The following USP37 variants were observed in gnomAD, a reference collection of about 807,000 sequenced individuals.
USP37 encodes the protein ubiquitin specific peptidase 37, also known as ubiquitin carboxyl-terminal hydrolase 37.
In USP37, 27 loss-of-function variants were observed where a neutral mutation model predicts 124.0. That is an observed-to-expected ratio of 0.22 (90% CI 0.16 to 0.30). USP37 has a LOEUF of 0.30. USP37 is among the 10% of genes least tolerant of loss of function. USP37 has a pLI of 1.00. For missense variants in USP37, 889 were observed against 1,140.4 expected, an observed-to-expected ratio of 0.78 and a Z score of 3.17; for synonymous variants, 365 against 388.0, an observed-to-expected ratio of 0.94 and a Z score of 0.70.
chr2:218,556,332 T>C (rs1692971562), intron 4 of USP37, among the ~76,000 whole-genome samples: 1 of 151,908 alleles, frequency 6.6e-6, no homozygotes, highest in Non-Finnish European at 1.5e-5. Context: ...GGCCAGAAAA[T>C]TCAGGGTTAA....
chr2:218,469,926 T>C (rs1412335627), intron 20 of USP37, among the ~76,000 whole-genome samples: 6 of 151,224 alleles, frequency 4.0e-5, no homozygotes, highest in African/African-American at 1.5e-4. Context: ...GTTCTTGCCA[T>C]TCTCCTGCCT....
chr2:218,480,721 G>C (rs1454852657), intron 17 of USP37, among the ~76,000 whole-genome samples: 1 of 152,196 alleles, frequency 6.6e-6, no homozygotes, highest in Non-Finnish European at 1.5e-5. Flanking sequence ...AGGTCTAAAA[G>C]CTATCAAATT....
chr2:218,538,614 G>A (rs1434315614), intron 8 of USP37, among the ~76,000 whole-genome samples: 1 of 152,124 alleles, frequency 6.6e-6, no homozygotes, highest in Non-Finnish European at 1.5e-5. Flanking sequence ...TATAAAAAAT[G>A]GGTTCCCCTT....
intron 10 of USP37, chr2:218,528,838 A>T: frequency 2.5e-6 from 1 of 396,498 alleles, no homozygotes; most frequent in Middle Eastern, 6.0e-4. Context: ...AAAAAAAAAA[A>T]AAAGAGCTTA....
chr2:218,492,103 C>T (rs1413264947), intron 14 of USP37, among the ~76,000 whole-genome samples: 6 of 152,016 alleles, frequency 3.9e-5, no homozygotes, highest in East Asian at 3.9e-4. Context: ...CGGGAGGCTG[C>T]GGCGGGAGGA....
At chr2:218,523,438 CAGATTTT>C (rs1229565535) in intron 10 of USP37, among the ~76,000 whole-genome samples, 1 of 152,156 alleles carries the variant, frequency 6.6e-6, no homozygotes, top group African/African-American at 2.4e-5. Flanking sequence ...TTTCAGATTT[CAGATTTT>C]TGGATTAGGA....
At chr2:218,473,872 T>C (rs1690821337) in intron 20 of USP37, among the ~76,000 whole-genome samples, 1 of 152,214 alleles carries the variant, frequency 6.6e-6, no homozygotes, top group East Asian at 1.9e-4. Flanking sequence ...CATCTTCGAG[T>C]ATATTCAACA....
chr2:218,539,521 T>C (rs1691855997), intron 8 of USP37, among the ~76,000 whole-genome samples: 1 of 151,092 alleles, frequency 6.6e-6, no homozygotes, highest in Non-Finnish European at 1.5e-5. Context: ...TTGAGACCAA[T>C]CTGAGCAACG....
intron 19 of USP37, 37 bp downstream of exon 19, chr2:218,476,803 A>C: frequency 5.7e-6 from 9 of 1,578,340 alleles, no homozygotes; most frequent in Non-Finnish European, 7.7e-6. Context: ...AGAGATAAAC[A>C]AATCTTTGTC....
At chr2:218,565,475 TA>T (rs1559236057) in intron 1 of USP37, among the ~76,000 whole-genome samples, 1 of 152,234 alleles carries the variant, frequency 6.6e-6, no homozygotes, top group Non-Finnish European at 1.5e-5. Context: ...TCAAAGAGTT[TA>T]AAATCTGAAT....
intron 17 of USP37, among the ~76,000 whole-genome samples, chr2:218,481,683 CTT>C (rs71403043): frequency 0.051 from 6,854 of 134,278 alleles, 180 homozygotes; most frequent in East Asian, 0.12. Flanking sequence ...CTTTTCTTTT[CTT>C]TTTTTTTTTT....
In USP37 at chr2:218,488,386, T is replaced by A; in HGVS notation, c.1508A>T (p.Asn503Ile). ...GEIIPKREQF[N>I]DLSIDLPRRK... ...ACGAGGAAGGTCAATAGAGAGGTCA[T>A]TAAACTGTTCTCTTTTGGGGATAAT... The change falls in exon 15 of 26, where the codon AAT becomes ATT. Residue 503 changes from asparagine (N) to isoleucine (I), a missense_variant. Asn to Ile is a moderately radical substitution (Grantham distance 149). Coordinates refer to ENST00000258399, the MANE Select transcript of USP37 (RefSeq NM_020935.3). 6.2e-7 allele frequency: 1 copy of A among 1,611,860 alleles called. No individual in the cohort carries two copies.
intron 23 of USP37, among the ~76,000 whole-genome samples, chr2:218,458,109 A>G (rs1689797642): frequency 6.6e-6 from 1 of 151,332 alleles, no homozygotes; most frequent in Admixed American, 6.6e-5. Context: ...CTATATGTAA[A>G]CCAGAAACTT....
intron 8 of USP37, among the ~76,000 whole-genome samples, chr2:218,539,144 A>C (rs939852083): frequency 6.6e-6 from 1 of 151,660 alleles, no homozygotes; most frequent in Non-Finnish European, 1.5e-5. Flanking sequence ...ATTTTTGTAG[A>C]GATGAGATCT....
chr2:218,547,412 T>TTGTTGC (rs1439291597), intron 6 of USP37, among the ~76,000 whole-genome samples: 5 of 56 alleles, frequency 0.089, no homozygotes, highest in East Asian at 0.4. Context: ...TTCATCAGTT[T>TTGTTGC]TGTTGTTGTT....
chr2:218,538,169 A>T (rs2106033537), intron 8 of USP37, among the ~76,000 whole-genome samples: 1 of 152,344 alleles, frequency 6.6e-6, no homozygotes, highest in Non-Finnish European at 1.5e-5. Flanking sequence ...ATTGGTACAA[A>T]CTGCAAATAA....
At chr2:218,461,633 C>T (rs964980857) in intron 22 of USP37, among the ~76,000 whole-genome samples, 5 of 152,156 alleles carry the variant, frequency 3.3e-5, no homozygotes, top group African/African-American at 1.2e-4. Flanking sequence ...AAAGCCAAAG[C>T]CATACCCCAA....
At chr2:218,460,376 C>A (rs190156094) in intron 22 of USP37, among the ~76,000 whole-genome samples, 1 of 152,054 alleles carries the variant, frequency 6.6e-6, no homozygotes, top group Non-Finnish European at 1.5e-5. Context: ...CGGTCCAACA[C>A]GCTCAGCCCA....
Position 218,549,256 on chromosome 2 carries a change from TA to T in USP37, c.429+552del, listed in dbSNP as rs557663067. ...AAATGTCCCCCAAAAATCTAACCTA[TA>T]AAAAGAACCTGACAAAAATGAAATC... On this transcript the variant is annotated intron_variant, in intron 6 of 25. Coordinates refer to ENST00000258399, the MANE Select transcript of USP37 (RefSeq NM_020935.3). Among the ~76,000 whole-genome samples the T allele has an allele frequency of 5.5e-3, 838 of 152,116 alleles. 8 individuals are homozygous for T. Among genetic ancestry groups the T allele is most frequent in the African/African-American group, 0.019 (779 of 41,528 alleles).
Sources: gnomAD v4.1 joint callset for allele counts (sites outside exome capture counted in the v4.1 genomes callset) on GRCh38, gnomAD v4.1.1 for gene constraint, MANE v1.5 for transcripts, NCBI Gene and HGNC (gene_info 2026-07-23, HGNC 2026-07-21) for gene names.